LRRC4C: variants seen among roughly 807,000 people sequenced by gnomAD.
The protein encoded by LRRC4C is leucine rich repeat containing 4C.
LRRC4C carries 5 observed loss-of-function variants against 33.6 expected under a neutral mutation model. That is an observed-to-expected ratio of 0.15 (90% CI 0.08 to 0.31). The LOEUF (loss-of-function observed/expected upper bound fraction) is 0.31, where lower values mean the gene tolerates loss of function less well. Ranked by LOEUF, LRRC4C falls within the 10% of genes least tolerant of loss-of-function variation. LRRC4C has a pLI of 1.00. For synonymous variants in LRRC4C, 329 were observed against 302.0 expected, an observed-to-expected ratio of 1.09 and a Z score of -0.93; for missense variants, 560 against 796.7, an observed-to-expected ratio of 0.70 and a Z score of 3.58.
At position 40,899,155 on chromosome 11, in the gene LRRC4C, C is replaced by T. The variant is rs571832156; in HGVS notation, c.-407+34480G>A. ...CTCATTCAACTCATTCCAAGTATTG[C>T]CATTTATAAATGCCTGAGCTGGAGT... On this transcript the variant is annotated intron_variant, in intron 2 of 6. Coordinates refer to ENST00000528697, the MANE Select transcript of LRRC4C (RefSeq NM_001258419.2). 3.3e-5 allele frequency among the ~76,000 whole-genome samples: 5 copies of T among 151,658 alleles called. No homozygotes were observed. The East Asian group carries it at 7.8e-4, about 24-fold the overall frequency.
chr11:41,021,951 A>G (rs565337501), intron 1 of LRRC4C, among the ~76,000 whole-genome samples: 1 of 151,992 alleles, frequency 6.6e-6, no homozygotes, highest in African/African-American at 2.4e-5. Context: ...TTGCATTGAA[A>G]TTTTTGAAAG....
At chr11:40,281,353 C>G (rs1943463494) in intron 4 of LRRC4C, among the ~76,000 whole-genome samples, 2 of 152,138 alleles carry the variant, frequency 1.3e-5, no homozygotes, top group African/African-American at 4.8e-5. Flanking sequence ...TGAGGTGAGC[C>G]TCTCTAGAGA....
intron 1 of LRRC4C, among the ~76,000 whole-genome samples, chr11:40,951,705 A>G (rs1245130129): frequency 2.0e-5 from 3 of 152,072 alleles, no homozygotes; most frequent in Non-Finnish European, 2.9e-5. Context: ...TTAAATGGTG[A>G]TGATTCTAAA....
rs1246871216 is a variant in LRRC4C, at chr11:41,410,636, T to A, written c.-496+48795A>T. ...TTTGTATTTTTAGTAGAGACGGTGT[T>A]TCACCGTGTTAGCCAGGATGGTCTC... is the stretch of plus-strand genomic sequence containing the variant. On this transcript the variant is annotated intron_variant, in intron 1 of 6. Coordinates refer to ENST00000528697, the MANE Select transcript of LRRC4C (RefSeq NM_001258419.2). 2.6e-5 allele frequency among the ~76,000 whole-genome samples: 4 copies of A among 151,998 alleles called. No homozygotes were observed. In the East Asian group the frequency reaches 7.8e-4, roughly 30 times the overall value.
intron 1 of LRRC4C, among the ~76,000 whole-genome samples, chr11:41,253,030 C>A (rs1948691424): frequency 1.3e-5 from 2 of 152,058 alleles, no homozygotes; most frequent in East Asian, 1.9e-4. Flanking sequence ...TTTTAACTCA[C>A]CAAAATGTTA....
At chr11:41,367,112 C>A (rs1565616516) in intron 1 of LRRC4C, among the ~76,000 whole-genome samples, 1 of 152,052 alleles carries the variant, frequency 6.6e-6, no homozygotes, top group Non-Finnish European at 1.5e-5. Context: ...GGGAAGGTGC[C>A]TTTATAGGGG....
chr11:40,389,999 C>G (rs1202492632), intron 3 of LRRC4C, among the ~76,000 whole-genome samples: 1 of 152,078 alleles, frequency 6.6e-6, no homozygotes, highest in Non-Finnish European at 1.5e-5. Flanking sequence ...TTATATTTTG[C>G]TAGGTTAAAA....
intron 1 of LRRC4C, among the ~76,000 whole-genome samples, chr11:40,937,343 T>C (rs1189960796): frequency 6.6e-6 from 1 of 151,908 alleles, no homozygotes; most frequent in African/African-American, 2.4e-5. Flanking sequence ...GAGATATGGG[T>C]TGAAAAACTA....
rs1030030335 is a variant in LRRC4C, at chr11:40,891,008, C to T, written c.-407+42627G>A. ...CTATAATATCAGCACTCTAGGAGGC[C>T]GAAGCCGGGAGATCACCTGAGGTCA... On this transcript the variant is annotated intron_variant, in intron 2 of 6. Coordinates refer to ENST00000528697, the MANE Select transcript of LRRC4C (RefSeq NM_001258419.2). Among the ~76,000 whole-genome samples the T allele has an allele frequency of 3.0e-4, 45 of 151,990 alleles. 1 individual carries two copies. Among genetic ancestry groups the T allele is most frequent in the Non-Finnish European group, 1.8e-4 (12 of 68,006 alleles).
chr11:41,436,627 C>A (rs1177729972), intron 1 of LRRC4C, among the ~76,000 whole-genome samples: 1 of 152,208 alleles, frequency 6.6e-6, no homozygotes, highest in African/African-American at 2.4e-5. Flanking sequence ...AGAAATCTTA[C>A]ATGTGGCATA....
intron 3 of LRRC4C, among the ~76,000 whole-genome samples, chr11:40,400,086 C>A (rs1949702607): frequency 6.6e-6 from 1 of 152,096 alleles, no homozygotes; most frequent in African/African-American, 2.4e-5. Flanking sequence ...GAGAATAGAA[C>A]AATACCTTGA....
intron 4 of LRRC4C, among the ~76,000 whole-genome samples, chr11:40,253,917 T>G (rs1234819336): frequency 6.6e-6 from 1 of 152,250 alleles, no homozygotes; most frequent in East Asian, 1.9e-4. Context: ...GAAGATTTTA[T>G]TCACATTATA....
chr11:41,311,323 T>C (rs1448134323), intron 1 of LRRC4C, among the ~76,000 whole-genome samples: 1 of 152,194 alleles, frequency 6.6e-6, no homozygotes, highest in Non-Finnish European at 1.5e-5. Flanking sequence ...ATTTTCTATA[T>C]GTCACACTCG....
chr11:40,945,767 G>C (rs1565228519), intron 1 of LRRC4C, among the ~76,000 whole-genome samples: 1 of 152,166 alleles, frequency 6.6e-6, no homozygotes. Context: ...GCAGGAAGCT[G>C]TCCTTACTGG....
chr11:40,658,950 GA>G (rs1565608238), intron 2 of LRRC4C, among the ~76,000 whole-genome samples: 1 of 152,200 alleles, frequency 6.6e-6, no homozygotes, highest in African/African-American at 2.4e-5. Flanking sequence ...TAGCCAGCAG[GA>G]GCTGGGCAGA....
intron 5 of LRRC4C, among the ~76,000 whole-genome samples, chr11:40,177,838 T>G (rs746824723): frequency 6.6e-6 from 1 of 152,184 alleles, no homozygotes; most frequent in Admixed American, 6.5e-5. Context: ...TTGTCTGTAT[T>G]TTTTCCCCAC....
chr11:40,612,836 C>T (rs1461946479), intron 3 of LRRC4C, among the ~76,000 whole-genome samples: 1 of 151,796 alleles, frequency 6.6e-6, no homozygotes, highest in Admixed American at 6.6e-5. Context: ...CAAGCTTGAG[C>T]ATTAAAGCAA....
chr11:41,259,346 A>G (rs886883065), intron 1 of LRRC4C, among the ~76,000 whole-genome samples: 6 of 152,020 alleles, frequency 3.9e-5, no homozygotes, highest in Admixed American at 3.3e-4. Context: ...ACATGGTTGT[A>G]TTACTTAACT....
At chr11:40,691,096 T>A (rs766367119) in intron 2 of LRRC4C, among the ~76,000 whole-genome samples, 2 of 152,078 alleles carry the variant, frequency 1.3e-5, no homozygotes, top group Non-Finnish European at 2.9e-5. Context: ...TAGATTTTTA[T>A]ATGAATGTGT....
Sources: gnomAD v4.1 joint callset for allele counts (sites outside exome capture counted in the v4.1 genomes callset) on GRCh38, gnomAD v4.1.1 for gene constraint, MANE v1.5 for transcripts, NCBI Gene and HGNC (gene_info 2026-07-23, HGNC 2026-07-21) for gene names.